The following VPS54 variants were observed in gnomAD, a reference collection of about 807,000 sequenced individuals.
The protein encoded by VPS54 is vacuolar protein sorting-associated protein 54.
A neutral mutation model predicts 121.5 loss-of-function variants in VPS54; 45 were observed. That is an observed-to-expected ratio of 0.37 (90% CI 0.29 to 0.47). VPS54 has a LOEUF of 0.47. Ranked by LOEUF, VPS54 falls within the 20% of genes least tolerant of loss-of-function variation. VPS54 has a pLI of 0.99. For missense variants in VPS54, 1,090 were observed against 1,131.4 expected, an observed-to-expected ratio of 0.96 and a Z score of 0.52; for synonymous variants, 371 against 385.8, an observed-to-expected ratio of 0.96 and a Z score of 0.45.
chr2:63,943,008 C>T lies in VPS54; in HGVS notation c.1302-447G>A, dbSNP rs540796867. 2.6e-5 allele frequency among the ~76,000 whole-genome samples: 4 copies of T among 152,272 alleles called. No homozygotes were observed. In the South Asian group the frequency reaches 6.2e-4, roughly 24 times the overall value. ...AAATAGCAGCAGCTTATTGGAATTG[C>T]TAGCTATGTGGCTCTGGCAAGTGAC... On this transcript the variant is annotated intron_variant, in intron 10 of 22. Coordinates refer to ENST00000272322, the MANE Select transcript of VPS54 (RefSeq NM_016516.3).
chr2:63,961,456 C>G (rs1201357800), intron 7 of VPS54, among the ~76,000 whole-genome samples: 1 of 152,108 alleles, frequency 6.6e-6, no homozygotes, highest in Non-Finnish European at 1.5e-5. Context: ...ATATGAACTT[C>G]TACAAGGATA....
intron 1 of VPS54, among the ~76,000 whole-genome samples, chr2:63,998,926 T>A (rs1677739442): frequency 6.6e-6 from 1 of 152,190 alleles, no homozygotes; most frequent in African/African-American, 2.4e-5. Context: ...TATTAATCTT[T>A]TTCTTTTTTA....
intron 1 of VPS54, among the ~76,000 whole-genome samples, chr2:63,988,489 C>A (rs901600248): frequency 1.3e-5 from 2 of 152,110 alleles, no homozygotes; most frequent in Non-Finnish European, 2.9e-5. Flanking sequence ...CTGGCTGAAG[C>A]CATGGCAGAA....
chr2:63,944,491 T>C, intron 10 of VPS54, 109 bp downstream of exon 10: 1 of 1,063,864 alleles, frequency 9.4e-7, no homozygotes, highest in South Asian at 1.4e-5. Context: ...TACACCCTGC[T>C]CACACCTTAG....
Position 63,914,275 on chromosome 2 carries a change from C to T in VPS54, c.2241G>A (p.Leu747=). 1 of 1,610,632 alleles carries T rather than the reference C, an allele frequency of 6.2e-7. No homozygotes were observed. Among genetic ancestry groups the T allele is most frequent in the Non-Finnish European group, 8.5e-7 (1 of 1,178,114 alleles). Residue 747 remains leucine (L), a synonymous_variant, in exon 17 of 23, where the codon CTG becomes CTA. Coordinates refer to ENST00000272322, the MANE Select transcript of VPS54 (RefSeq NM_016516.3). ...AATATTCAAGGATAATTCTTATTAA[C>T]AGCAATACGGTTCTACAAGAAAAGA... The part of the protein sequence containing the change: ...QQYAVVGTVL[L]LIRIILEYCQ...
chr2:63,965,887 G>C lies in VPS54; in HGVS notation c.572C>G (p.Ala191Gly). The change falls in exon 6 of 23, where the codon GCT (alanine) becomes GGT (glycine). Residue 191 changes from alanine (A) to glycine (G), a missense_variant. Around this residue, in one of 2 missense-constraint regions of VPS54, gnomAD observed 801 missense variants for 757.0 expected, o/e 1.06. Transcript: ENST00000272322. ...TGCATCACGATTTCCTTTTCCACCA[G>C]CAGTATTAAAATGAGACCATGGTAA... ...SVLPWSHFNT[A>G]GGKGNRDAAS... The C allele has an allele frequency of 2.5e-6, 4 of 1,612,880 alleles. No homozygotes were observed. The highest frequency in any genetic ancestry group is 1.7e-4 in the Middle Eastern group (1 of 6,056).
At chr2:63,996,515 T>C (rs966690129) in intron 1 of VPS54, among the ~76,000 whole-genome samples, 2 of 152,200 alleles carry the variant, frequency 1.3e-5, no homozygotes, top group African/African-American at 2.4e-5. Context: ...ATAACAGCGA[T>C]GTTCAGGGAA....
rs749905431 is a variant in VPS54 at position 63,981,638 on chromosome 2, G to A, written c.378+8C>T. ...ACCTGACTGTAACTAGCCAAGATTA[G>A]ATATTACCTGAGAGATTTCCTGTTG... On this transcript the variant is annotated splice_region_variant and intron_variant, in intron 3 of 22. Transcript: ENST00000272322. 1 of 1,567,996 alleles carries A rather than the reference G, an allele frequency of 6.4e-7. No homozygotes were observed. The highest frequency in any genetic ancestry group is 2.2e-5 in the East Asian group (1 of 44,472).
At chr2:63,981,567 C>G in intron 3 of VPS54, 79 bp downstream of exon 3, 2 of 1,463,354 alleles carry the variant, frequency 1.4e-6, no homozygotes, top group Non-Finnish European at 1.8e-6. Context: ...CATTACTGGT[C>G]AAAAATCTAT....
chr2:63,942,337 CTT>C, intron 11 of VPS54, 126 bp downstream of exon 11: 3 of 612,374 alleles, frequency 4.9e-6, no homozygotes, highest in Non-Finnish European at 7.7e-6. Context: ...AAACAAGCCT[CTT>C]TAGAAAAATT....
chr2:63,917,107 C>G (rs1344972801), intron 15 of VPS54, 144 bp from the exon 16 acceptor site: 2 of 785,972 alleles, frequency 2.5e-6, no homozygotes. Context: ...CTATTTGGCA[C>G]ACAGTAAATA....
chr2:63,969,659 A>G (rs1203432752), intron 4 of VPS54, among the ~76,000 whole-genome samples: 1 of 152,176 alleles, frequency 6.6e-6, no homozygotes, highest in Admixed American at 6.5e-5. Flanking sequence ...AACAGTAGAA[A>G]TAAAGTGCAT....
intron 20 of VPS54, among the ~76,000 whole-genome samples, chr2:63,902,914 G>A (rs951051535): frequency 6.6e-6 from 1 of 152,212 alleles, no homozygotes; most frequent in African/African-American, 2.4e-5. Context: ...GTCACAGTGA[G>A]CTGAGATCAT....
chr2:63,970,801 G>A (rs778043596), intron 4 of VPS54, among the ~76,000 whole-genome samples: 6 of 152,056 alleles, frequency 3.9e-5, no homozygotes, highest in Non-Finnish European at 7.4e-5. Flanking sequence ...AGCTTAATTA[G>A]TGCTCCATCA....
intron 22 of VPS54, among the ~76,000 whole-genome samples, chr2:63,895,099 TTTA>T (rs1036044606): frequency 2.0e-5 from 3 of 151,726 alleles, no homozygotes. Flanking sequence ...ATATAAATAA[TTTA>T]TTATTCTCTG....
At position 64,010,545 on chromosome 2, in the gene VPS54, A is replaced by G. The variant is rs1678381084; in HGVS notation, c.-21+8393T>C. Among the ~76,000 whole-genome samples the G allele has an allele frequency of 2.0e-5, 3 of 152,178 alleles. No homozygotes were observed. The South Asian group carries it at 6.2e-4, about 31-fold the overall frequency. On this transcript the variant is annotated intron_variant, in intron 1 of 22. Transcript: ENST00000272322. The stretch of plus-strand genomic sequence containing the variant: ...TTGGTTTCTTGCTGTTTGCCTACAA[A>G]ATACATCAAATATCTCATGTTCTAA...
At position 64,006,118 on chromosome 2, in the gene VPS54, ACTTAT is replaced by A. The variant is rs550585326; in HGVS notation, c.-21+12815_-21+12819del. Among the ~76,000 whole-genome samples, 158 of 152,300 alleles carry A rather than the reference ACTTAT, an allele frequency of 1.0e-3. 1 individual carries two copies. The South Asian group carries it at 0.032, about 31-fold the overall frequency. ...CTCCCACTATACTGTAAACTTACTT[ACTTAT>A]ATTTGTTTCATTCACTTTCCTATAC... On this transcript the variant is annotated intron_variant, in intron 1 of 22. Transcript: ENST00000272322.
At chr2:63,947,648 A>T (rs1675043347) in intron 8 of VPS54, among the ~76,000 whole-genome samples, 158 bp from the exon 9 acceptor site, 1 of 151,916 alleles carries the variant, frequency 6.6e-6, no homozygotes, top group African/African-American at 2.4e-5. Context: ...CAGCAATCTT[A>T]TCATGAGATT....
At chr2:63,988,944 T>C in intron 1 of VPS54, among the ~76,000 whole-genome samples, 1 of 152,190 alleles carries the variant, frequency 6.6e-6, no homozygotes, top group Non-Finnish European at 1.5e-5. Flanking sequence ...TGCTGAGTTC[T>C]TTCCCCAGTA....
Sources: allele counts gnomAD v4.1 joint callset (sites outside exome capture counted in the v4.1 genomes callset), GRCh38; gene constraint gnomAD v4.1.1; regional missense constraint gnomAD v4.1.1; transcripts MANE v1.5; gene names NCBI Gene and HGNC (gene_info 2026-07-23, HGNC 2026-07-21).